SBSN: variants seen among roughly 807,000 people sequenced by gnomAD.
SBSN encodes the protein suprabasin, also known as HLAR698.
Under a neutral mutation model 42.8 loss-of-function variants are expected in SBSN, and 33 were observed. That is an observed-to-expected ratio of 0.77 (90% confidence interval 0.58 to 1.03). The LOEUF (loss-of-function observed/expected upper bound fraction) is 1.03. SBSN is among the 50% of genes least tolerant of loss of function. SBSN has a pLI of 0.00. For synonymous variants in SBSN, 276 were observed against 307.0 expected, an observed-to-expected ratio of 0.90 and a Z score of 1.06; for missense variants, 646 against 757.3, an observed-to-expected ratio of 0.85 and a Z score of 1.72.
chr19:35,527,072 C>T lies in SBSN; in HGVS notation c.1210G>A (p.Val404Met), dbSNP rs545633771. ...ACGCCATGATGGAGGCCTTGGACCA[C>T]TCTGTCTTCCTCCTTCCCCACCTGC... ...ASQVGKEEDR[V>M]VQGLHHGVSQ... Residue 404 changes from valine (V) to methionine (M), a missense_variant, in exon 1 of 4, where the codon GTG becomes ATG. Val to Met is a conservative substitution (Grantham distance 21, BLOSUM62 1). Coordinates refer to ENST00000452271, the MANE Select transcript of SBSN (RefSeq NM_001166034.2). 2 of 1,537,968 alleles carry T rather than the reference C, an allele frequency of 1.3e-6. No homozygotes were observed. The highest frequency in any genetic ancestry group is 2.7e-5 in the African/African-American group (2 of 73,120).
intron 3 of SBSN, among the ~76,000 whole-genome samples, chr19:35,524,327 C>A (rs1220940576): frequency 6.6e-6 from 1 of 152,122 alleles, no homozygotes; most frequent in Non-Finnish European, 1.5e-5. Flanking sequence ...GAAGCAAAGG[C>A]ATTTGCAGGA....
Position 35,527,010 on chromosome 19 carries a change from G to T in SBSN, c.1272C>A (p.His424Gln), listed in dbSNP as rs191965342. Residue 424 changes from histidine to glutamine, a missense_variant, in exon 1 of 4, where the codon CAC (histidine) becomes CAA (glutamine). Coordinates refer to ENST00000452271, the MANE Select transcript of SBSN (RefSeq NM_001166034.2). Reference protein sequence around the residue: ...QAGREAGQFGHDIHHTAGQAG... With the variant: ...QAGREAGQFGQDIHHTAGQAG... ...CCTGCCCTGCTGTGTGGTGAATGTC[G>T]TGGCCAAACTGCCCCGCCTCCCTTC... is the stretch of plus-strand genomic sequence containing the variant. 7 of 1,544,100 alleles carry T rather than the reference G, an allele frequency of 4.5e-6. No homozygotes were observed. Among genetic ancestry groups the T allele is most frequent in the Non-Finnish European group, 6.1e-6 (7 of 1,146,292 alleles).
At chr19:35,523,583 CG>C (rs761109180) in intron 3 of SBSN, 50 bp from the exon 4 acceptor site, 4 of 1,598,918 alleles carry the variant, frequency 2.5e-6, no homozygotes, top group African/African-American at 2.7e-5. Flanking sequence ...ACAGTCATGA[CG>C]GGACCCGAGA....
rs747570686 is a variant in SBSN, at chr19:35,528,214, G to A, written c.68C>T (p.Ala23Val). 22 of 1,613,906 alleles carry A rather than the reference G, an allele frequency of 1.4e-5. No individual in the cohort carries two copies. Among genetic ancestry groups the A allele is most frequent in the South Asian group, 1.2e-4 (11 of 91,068 alleles). ...CTTCTCAATGGGGTCATCGCTGGCC[G>A]CCCATCCAGACAGGGCCCCCAGTAG... The part of the protein sequence containing the change: ...LLLLGALSGW[A>V]ASDDPIEKVI... The change falls in exon 1 of 4, where the codon GCG becomes GTG. Residue 23 changes from alanine to valine, a missense_variant. By Grantham distance (64) the Ala-to-Val change is moderately conservative. Transcript: ENST00000452271.
intron 1 of SBSN, among the ~76,000 whole-genome samples, chr19:35,526,208 A>G (rs2072807950): frequency 6.6e-6 from 1 of 152,178 alleles, no homozygotes; most frequent in South Asian, 2.1e-4. Context: ...CAAAGATTAC[A>G]CAGGCCAAGG....
Position 35,524,938 on chromosome 19 carries a change from C to T in SBSN, c.1639-14G>A, listed in dbSNP as rs751376748. ...TTGATGGTTGCCCTGTGGACAAAGC[C>T]CAGACTCTTGTTACAACCCCACAAA... On this transcript the variant is annotated splice_polypyrimidine_tract_variant and intron_variant, in intron 1 of 3. Coordinates refer to ENST00000452271, the MANE Select transcript of SBSN (RefSeq NM_001166034.2). The T allele has an allele frequency of 1.2e-6, 2 of 1,613,668 alleles. No homozygotes were observed. Among genetic ancestry groups the T allele is most frequent in the Non-Finnish European group, 8.5e-7 (1 of 1,179,778 alleles).
Position 35,528,277 on chromosome 19 carries a change from T to A in SBSN, c.5A>T (p.His2Leu). 7 of 1,606,102 alleles carry A rather than the reference T, an allele frequency of 4.4e-6. No individual in the cohort carries two copies. The highest frequency in any genetic ancestry group is 5.1e-6 in the Non-Finnish European group (6 of 1,176,740). The stretch of plus-strand genomic sequence containing the variant: ...GCAGGAGCCGACCAGACGTGCAAGA[T>A]GCATATTGCTGGGAAGGTCGGGAAG... The part of the protein sequence containing the change: M[H>L]LARLVGSCSL... Residue 2 changes from histidine (H) to leucine (L), a missense_variant, in exon 1 of 4, where the codon CAT becomes CTT. Around this residue, in one of 3 missense-constraint regions of SBSN, gnomAD observed 190 missense variants for 197.1 expected, o/e 0.96. Coordinates refer to ENST00000452271, the MANE Select transcript of SBSN (RefSeq NM_001166034.2).
rs1341160381 is a variant in SBSN, at chr19:35,525,116, GC to G, written c.1639-193del. The stretch of plus-strand genomic sequence containing the variant: ...TCGCGTGGGCATTCTGCCTCCTGCT[GC>G]CTTTTCCTCCCCAAAGCCCCTTTTA... On this transcript the variant is annotated intron_variant, in intron 1 of 3. Coordinates refer to ENST00000452271, the MANE Select transcript of SBSN (RefSeq NM_001166034.2). Among the ~76,000 whole-genome samples, 10 of 152,284 alleles carry G rather than the reference GC, an allele frequency of 6.6e-5. No individual in the cohort carries two copies. The East Asian group carries it at 1.9e-3, about 29-fold the overall frequency.
In SBSN at chr19:35,524,933, A is replaced by G; in HGVS notation, c.1639-9T>C. On this transcript the variant is annotated splice_polypyrimidine_tract_variant and intron_variant, in intron 1 of 3. Coordinates refer to ENST00000452271, the MANE Select transcript of SBSN (RefSeq NM_001166034.2). ...CCGCTTTGATGGTTGCCCTGTGGAC[A>G]AAGCCCAGACTCTTGTTACAACCCC... is the stretch of plus-strand genomic sequence containing the variant. 1 of 1,613,716 alleles carries G rather than the reference A, an allele frequency of 6.2e-7. No individual in the cohort carries two copies.
chr19:35,526,544 A>T, intron 1 of SBSN, 100 bp downstream of exon 1: 1 of 1,106,838 alleles, frequency 9.0e-7, no homozygotes, highest in Non-Finnish European at 1.3e-6. Flanking sequence ...CACCAAACAA[A>T]GGCTACGCGG....
At position 35,526,743 on chromosome 19, in the gene SBSN, G is replaced by A; in HGVS notation, c.1539C>T (p.Gly513=). 6.2e-7 allele frequency: 1 copy of A among 1,613,776 alleles called. No individual in the cohort carries two copies. The highest frequency in any genetic ancestry group is 8.5e-7 in the Non-Finnish European group (1 of 1,179,914). Residue 513 remains glycine, a synonymous_variant, in exon 1 of 4, where the codon GGC becomes GGT. Transcript: ENST00000452271. ...GGCCAGCAGCATGGTGGGCACCTTGGCCAAGCTTCTCCACTTCCTTTCCAG... is the reference window on the plus strand; with the variant it reads ...GGCCAGCAGCATGGTGGGCACCTTGACCAAGCTTCTCCACTTCCTTTCCAG... ...DQAGKEVEKL[G]QGAHHAAGQA...
At chr19:35,524,440 C>T (rs1479176316) in intron 3 of SBSN, among the ~76,000 whole-genome samples, 4 of 152,018 alleles carry the variant, frequency 2.6e-5, no homozygotes, top group African/African-American at 9.7e-5. Flanking sequence ...CTCCCTGGCT[C>T]CCAGGGGCAC....
chr19:35,524,625 G>C, intron 3 of SBSN, 86 bp downstream of exon 3: 1 of 1,454,260 alleles, frequency 6.9e-7, no homozygotes, highest in Non-Finnish European at 9.6e-7. Flanking sequence ...CGCCCGGGGA[G>C]CTGTCCAAAC....
Position 35,527,783 on chromosome 19 carries a change from C to G in SBSN, c.499G>C (p.Ala167Pro), listed in dbSNP as rs1009108284. ...TGGACTCCCTGGCCAAACCTCCCAG[C>G]CTCATTTCCAGCCTGCCCTGCAGCA... is the stretch of plus-strand genomic sequence containing the variant. Reference protein sequence around the residue: ...DNAAGQAGNEAGRFGQGVHHA... With the variant: ...DNAAGQAGNEPGRFGQGVHHA... The change falls in exon 1 of 4, where the codon GCT becomes CCT. Residue 167 changes from alanine to proline, a missense_variant. Coordinates refer to ENST00000452271, the MANE Select transcript of SBSN (RefSeq NM_001166034.2). 11 of 1,592,068 alleles carry G rather than the reference C, an allele frequency of 6.9e-6. No individual in the cohort carries two copies. In the Admixed American group the frequency reaches 1.5e-4, roughly 22 times the overall value.
At chr19:35,525,438 C>T (rs960370311) in intron 1 of SBSN, among the ~76,000 whole-genome samples, 5 of 152,086 alleles carry the variant, frequency 3.3e-5, no homozygotes, top group South Asian at 2.1e-4. Context: ...CGTGCCCGCT[C>T]CTCTGCTGCG....
At position 35,526,890 on chromosome 19, in the gene SBSN, A is replaced by G. The variant is rs371395194; in HGVS notation, c.1392T>C (p.His464=). 5.0e-6 allele frequency: 8 copies of G among 1,612,524 alleles called. No individual in the cohort carries two copies. The African/African-American group carries it at 9.4e-5, about 19-fold the overall frequency. The change falls in exon 1 of 4, where the codon CAT becomes CAC. Residue 464 remains histidine, a synonymous_variant. Coordinates refer to ENST00000452271, the MANE Select transcript of SBSN (RefSeq NM_001166034.2). ...CTTCCTTCCCGGCCTGTTCAAGGGT[A>G]TGGTGAACTCCCTGGCCAAACTGCC... ...EAGQFGQGVH[H]TLEQAGKEAD...
Position 35,528,071 on chromosome 19 carries a change from C to T in SBSN, c.211G>A (p.Gly71Arg), listed in dbSNP as rs766134876. The change falls in exon 1 of 4, where the codon GGA becomes AGA. Residue 71 changes from glycine to arginine, a missense_variant. Gly to Arg is a moderately radical substitution (Grantham distance 125). Coordinates refer to ENST00000452271, the MANE Select transcript of SBSN (RefSeq NM_001166034.2). ...GTGTGGCTCCCCATGTTGCTAAGTC[C>T]GTTGAAAACCTTCTCCACTTCCCTT... Reference protein sequence around the residue: ...AGREVEKVFNGLSNMGSHTGK... With the variant: ...AGREVEKVFNRLSNMGSHTGK... 2 of 1,613,978 alleles carry T rather than the reference C, an allele frequency of 1.2e-6. No individual in the cohort carries two copies. Among genetic ancestry groups the T allele is most frequent in the Non-Finnish European group, 1.7e-6 (2 of 1,180,030 alleles).
chr19:35,527,870 C>A lies in SBSN; in HGVS notation c.412G>T (p.Val138Phe). The A allele has an allele frequency of 4.3e-6, 7 of 1,614,022 alleles. No individual in the cohort carries two copies. The highest frequency in any genetic ancestry group is 5.1e-6 in the Non-Finnish European group (6 of 1,180,012). The change falls in exon 1 of 4, where the codon GTC (valine) becomes TTC (phenylalanine). Residue 138 changes from valine to phenylalanine, a missense_variant. By Grantham distance (50) the Val-to-Phe change is conservative. Transcript: ENST00000452271. ...KEADKLIHHGVHHGANQAGSE... is the reference protein window; with the variant it reads ...KEADKLIHHGFHHGANQAGSE... ...CCCGCCTGGTTGGCCCCGTGATGGACCCCATGATGGATCAGTTTGTCTGCC... is the reference window on the plus strand; with the variant it reads ...CCCGCCTGGTTGGCCCCGTGATGGAACCCATGATGGATCAGTTTGTCTGCC...
chr19:35,528,023 C>T lies in SBSN; in HGVS notation c.259G>A (p.Val87Ile), dbSNP rs146409792. 1.0e-4 allele frequency: 168 copies of T among 1,613,792 alleles called. 1 individual carries two copies. The highest frequency in any genetic ancestry group is 1.6e-4 in the Middle Eastern group (1 of 6,062). The change falls in exon 1 of 4, where the codon GTC becomes ATC. Residue 87 changes from valine to isoleucine, a missense_variant. Val to Ile is a conservative substitution (Grantham distance 29, BLOSUM62 3). Around this residue, in one of 3 missense-constraint regions of SBSN, gnomAD observed 190 missense variants for 197.1 expected, o/e 0.96. Transcript: ENST00000452271. ...SHTGKELDKG[V>I]QGLNHGMDKV... ...TCCATGCCGTGGTTGAGCCCCTGGA[C>T]GCCTTTGTCCAACTCCTTGCCGGTG...
Sources: gnomAD v4.1 joint callset for allele counts (sites outside exome capture counted in the v4.1 genomes callset) on GRCh38, gnomAD v4.1.1 for gene constraint, gnomAD v4.1.1 regional missense constraint, MANE v1.5 for transcripts, NCBI Gene and HGNC (gene_info 2026-07-23, HGNC 2026-07-21) for gene names.